DNAH14: variants seen among roughly 807,000 people sequenced by gnomAD.
DNAH14 encodes the protein axonemal beta dynein heavy chain 14.
In DNAH14, 478 loss-of-function variants were observed where a neutral mutation model predicts 520.9. The ratio of observed to expected loss-of-function variants is 0.92; its 90% confidence interval spans 0.85 to 0.99. The LOEUF (loss-of-function observed/expected upper bound fraction) is 0.99. Among genes scored for constraint, DNAH14 ranks in the 50% least tolerant of loss-of-function variants. DNAH14 has a pLI of 0.00. For synonymous variants in DNAH14, 1,581 were observed against 1,757.2 expected (o/e 0.90, Z 2.51); for missense variants, 4,831 against 5,234.5 (o/e 0.92, Z 2.38).
chr1:225,168,102 T>C (rs1311603820), intron 36 of DNAH14, 74 bp downstream of exon 36: 1 of 862,598 alleles, frequency 1.2e-6, no homozygotes, highest in East Asian at 2.9e-5. Flanking sequence ...AGGGCAAAAA[T>C]AATAATAAAA....
intron 23 of DNAH14, among the ~76,000 whole-genome samples, chr1:225,113,449 A>C (rs1558998070): frequency 6.6e-6 from 1 of 152,160 alleles, no homozygotes; most frequent in Non-Finnish European, 1.5e-5. Flanking sequence ...GCACTGACTG[A>C]GGCTTGTGCA....
At chr1:225,104,528 G>A (rs1051565266) in intron 23 of DNAH14, among the ~76,000 whole-genome samples, 3 of 151,906 alleles carry the variant, frequency 2.0e-5, no homozygotes, top group Admixed American at 1.3e-4. Flanking sequence ...ACTTTTTTTG[G>A]TTGGTAAGCT....
intron 43 of DNAH14, among the ~76,000 whole-genome samples, chr1:225,247,313 C>T (rs2092341930): frequency 6.6e-6 from 1 of 152,008 alleles, no homozygotes; most frequent in Admixed American, 6.6e-5. Context: ...TTGATGGAAG[C>T]AGCAAACCAC....
chr1:225,152,984 C>A, intron 33 of DNAH14, 101 bp downstream of exon 33: 1 of 1,163,094 alleles, frequency 8.6e-7, no homozygotes, highest in Non-Finnish European at 1.2e-6. Context: ...GGGACTGTAC[C>A]AAATAATGGA....
At position 225,346,635 on chromosome 1, in the gene DNAH14, A is replaced by T; in HGVS notation, c.11277A>T (p.Leu3759Phe). ...SGILINIKSA[L>F]SQSRLTSTFE... ...TATTGATAAATATTAAAAGTGCATT[A>T]TCCCAGTCTAGACTTACTAGTAAGT... The change falls in exon 71 of 86, where the codon TTA (leucine) becomes TTT (phenylalanine). Residue 3759 changes from leucine (L) to phenylalanine (F), a missense_variant. Coordinates refer to ENST00000682510, the MANE Select transcript of DNAH14 (RefSeq NM_001367479.1). 1.9e-6 allele frequency: 3 copies of T among 1,547,616 alleles called. No individual in the cohort carries two copies. The highest frequency in any genetic ancestry group is 2.6e-6 in the Non-Finnish European group (3 of 1,144,906).
intron 11 of DNAH14, among the ~76,000 whole-genome samples, chr1:225,025,095 T>C (rs778568547): frequency 6.6e-6 from 1 of 152,090 alleles, no homozygotes; most frequent in Non-Finnish European, 1.5e-5. Flanking sequence ...CACAACACTT[T>C]GGGAGACCAA....
chr1:225,169,023 G>A (rs753845425), intron 36 of DNAH14, among the ~76,000 whole-genome samples: 3 of 152,168 alleles, frequency 2.0e-5, no homozygotes, highest in Non-Finnish European at 4.4e-5. Context: ...CTTCACTGCT[G>A]ATACCCAGAC....
At chr1:225,257,362 G>A (rs1574337178) in intron 44 of DNAH14, among the ~76,000 whole-genome samples, 2 of 152,114 alleles carry the variant, frequency 1.3e-5, no homozygotes, top group South Asian at 2.1e-4. Context: ...CAATACATGC[G>A]ACATTTAGGA....
intron 17 of DNAH14, among the ~76,000 whole-genome samples, chr1:225,069,797 T>C (rs944671391): frequency 6.6e-6 from 1 of 152,182 alleles, no homozygotes; most frequent in African/African-American, 2.4e-5. Flanking sequence ...CAGCCCTTCT[T>C]TGTTCATCTG....
rs112689242 is a variant in DNAH14, at chr1:225,366,688, G to A, written c.12091-1117G>A. On this transcript the variant is annotated intron_variant, in intron 76 of 85. Transcript: ENST00000682510. ...CAGAGCCATTTGCTCACATTCTAAG[G>A]GTGACAGAGTCAGAGAAGCTTGTCT... 1.5e-3 allele frequency among the ~76,000 whole-genome samples: 223 copies of A among 152,102 alleles called. 1 individual carries two copies. Among genetic ancestry groups the A allele is most frequent in the African/African-American group, 4.8e-3 (201 of 41,490 alleles).
intron 64 of DNAH14, among the ~76,000 whole-genome samples, chr1:225,327,337 AT>A (rs2094697575): frequency 6.6e-6 from 1 of 151,416 alleles, no homozygotes; most frequent in Non-Finnish European, 1.5e-5. Context: ...TATTTTTTTT[AT>A]TTTTAGTAGA....
intron 17 of DNAH14, among the ~76,000 whole-genome samples, chr1:225,076,532 C>T (rs2072296678): frequency 1.3e-5 from 2 of 152,124 alleles, no homozygotes; most frequent in Admixed American, 6.5e-5. Flanking sequence ...CTGGAGAGTA[C>T]GATTCCACCG....
chr1:225,125,969 G>A lies in DNAH14; in HGVS notation c.4254+2355G>A, dbSNP rs2077678922. ...AACATTATTGTGTCTCAGGGATTAG[G>A]GAGACCGAAGAAGAAGGAGAGAGAT... On this transcript the variant is annotated intron_variant, in intron 27 of 85. Transcript: ENST00000682510. 2.6e-5 allele frequency among the ~76,000 whole-genome samples: 4 copies of A among 152,072 alleles called. 1 individual carries two copies. The highest frequency in any genetic ancestry group is 4.8e-5 in the African/African-American group (2 of 41,404).
chr1:225,106,782 T>C (rs1296323026), intron 23 of DNAH14, among the ~76,000 whole-genome samples: 1 of 152,316 alleles, frequency 6.6e-6, no homozygotes, highest in South Asian at 2.1e-4. Context: ...GCCATTCATC[T>C]AATTTTTTTT....
At chr1:225,289,451 A>G (rs1379366125) in intron 54 of DNAH14, among the ~76,000 whole-genome samples, 1 of 152,192 alleles carries the variant, frequency 6.6e-6, no homozygotes, top group East Asian at 1.9e-4. Context: ...ACCTAAATAA[A>G]GCTGTTTTTA....
In DNAH14 at chr1:225,333,367, C is replaced by A; in HGVS notation, c.9941C>A (p.Ala3314Glu). ...TTGGGTGACATACTTCTTTCAGCAG[C>A]GTGCATTGTCTACAGTGGAATTTTA... ...GILGDILLSA[A>E]CIVYSGILTP... is the part of the protein sequence containing the mutation. The change falls in exon 66 of 86, where the codon GCG becomes GAG. Residue 3314 changes from alanine to glutamate, a missense_variant. By Grantham distance (107) the Ala-to-Glu change is moderately radical. Coordinates refer to ENST00000682510, the MANE Select transcript of DNAH14 (RefSeq NM_001367479.1). The A allele has an allele frequency of 6.4e-7, 1 of 1,551,702 alleles. No homozygotes were observed. The highest frequency in any genetic ancestry group is 8.7e-7 in the Non-Finnish European group (1 of 1,146,926).
intron 31 of DNAH14, 125 bp downstream of exon 31, chr1:225,147,374 C>T (rs1289367936): frequency 1.0e-6 from 1 of 975,878 alleles, no homozygotes; most frequent in Admixed American, 3.6e-5. Flanking sequence ...TTTTTTAAAG[C>T]ACATACCAAA....
chr1:224,947,775 T>G (rs2059937290), intron 1 of DNAH14, among the ~76,000 whole-genome samples: 1 of 152,040 alleles, frequency 6.6e-6, no homozygotes, highest in South Asian at 2.1e-4. Flanking sequence ...TATTTTAAAT[T>G]TTCTATCATT....
intron 21 of DNAH14, among the ~76,000 whole-genome samples, chr1:225,086,323 A>G (rs1176092863): frequency 6.6e-6 from 1 of 151,116 alleles, no homozygotes; most frequent in East Asian, 1.9e-4. Context: ...TTTAGTAGAG[A>G]CGGGATTTCA....
Sources: gnomAD v4.1 joint callset for allele counts (sites outside exome capture counted in the v4.1 genomes callset) on GRCh38, gnomAD v4.1.1 for gene constraint, MANE v1.5 for transcripts, NCBI Gene and HGNC (gene_info 2026-07-23, HGNC 2026-07-21) for gene names.